The following MSL2 variants were observed in gnomAD, a reference collection of about 807,000 sequenced individuals.
MSL2 encodes the protein E3 ubiquitin-protein ligase MSL2.
A neutral mutation model predicts 35.8 loss-of-function variants in MSL2; 2 were observed. The observed-to-expected ratio is 0.06, with a 90% CI of 0.02 to 0.18. The LOEUF (loss-of-function observed/expected upper bound fraction) is 0.18. MSL2 is among the 10% of genes least tolerant of loss of function. The pLI is 1.00. For missense variants in MSL2, 523 were observed against 706.7 expected, an observed-to-expected ratio of 0.74 and a Z score of 2.95; for synonymous variants, 296 against 255.7, an observed-to-expected ratio of 1.16 and a Z score of -1.50.
At chr3:136,188,373 G>A (rs1026787362) in intron 1 of MSL2, among the ~76,000 whole-genome samples, 23 of 151,508 alleles carry the variant, frequency 1.5e-4, no homozygotes, top group Non-Finnish European at 2.9e-4. Flanking sequence ...AGCAGAGGTT[G>A]CAGTGAGCCG....
At position 136,195,640 on chromosome 3, in the gene MSL2, G is replaced by T. The variant is rs1392098503; in HGVS notation, c.-527C>A. ...ACGGCAAGGACGACGGTCGGGCAGCGGCTTCCCGGATCTAGTGCAAGACGC... is the reference window on the plus strand; with the variant it reads ...ACGGCAAGGACGACGGTCGGGCAGCTGCTTCCCGGATCTAGTGCAAGACGC... On this transcript the variant is annotated 5_prime_UTR_variant, in exon 1 of 2. Coordinates refer to ENST00000309993, the MANE Select transcript of MSL2 (RefSeq NM_018133.4). 1.0e-6 allele frequency: 1 copy of T among 980,382 alleles called. No homozygotes were observed. The highest frequency in any genetic ancestry group is 1.2e-6 in the Non-Finnish European group (1 of 825,134). The allele number at this position is 980,382 out of a possible 1,614,324, so 60.7% of individuals were successfully genotyped here.
At position 136,195,279 on chromosome 3, in the gene MSL2, CA is replaced by C. The variant is rs1940803634; in HGVS notation, c.-167del. 6.9e-7 allele frequency: 1 copy of C among 1,443,128 alleles called. No individual in the cohort carries two copies. Among genetic ancestry groups the C allele is most frequent in the Admixed American group, 2.9e-5 (1 of 34,338 alleles). 89.4% of individuals were successfully genotyped at this position (1,443,128 alleles called of 1,614,324 possible). ...TCCGTGCAAGTTTGTGGAGCTGAAA[CA>C]ATCCTCCCACACATGGGGCCTTGGC... is the stretch of plus-strand genomic sequence containing the variant. On this transcript the variant is annotated 5_prime_UTR_variant, in exon 1 of 2. In the 5' UTR this introduces an upstream ATG that the reference lacks. Coordinates refer to ENST00000309993, the MANE Select transcript of MSL2 (RefSeq NM_018133.4).
intron 1 of MSL2, among the ~76,000 whole-genome samples, chr3:136,176,955 G>C (rs1940196959): frequency 6.6e-6 from 1 of 152,186 alleles, no homozygotes; most frequent in African/African-American, 2.4e-5. Context: ...TCAGGTCAAA[G>C]AGAAATGAAC....
intron 1 of MSL2, among the ~76,000 whole-genome samples, chr3:136,172,816 G>C (rs1330669704): frequency 6.6e-6 from 1 of 152,096 alleles, no homozygotes; most frequent in Admixed American, 6.6e-5. Flanking sequence ...ATCTTATGAG[G>C]ATCATTAATC....
At chr3:136,186,209 T>C (rs989212244) in intron 1 of MSL2, among the ~76,000 whole-genome samples, 4 of 152,220 alleles carry the variant, frequency 2.6e-5, no homozygotes, top group African/African-American at 9.7e-5. Flanking sequence ...TATGTCTGTG[T>C]CAAACTGCCA....
intron 1 of MSL2, among the ~76,000 whole-genome samples, chr3:136,180,567 G>A (rs1242244487): frequency 1.3e-5 from 2 of 151,452 alleles, no homozygotes; most frequent in Non-Finnish European, 2.9e-5. Context: ...GGGCACGGAG[G>A]CTGGCACCTG....
intron 1 of MSL2, among the ~76,000 whole-genome samples, chr3:136,177,966 C>T (rs1472867920): frequency 1.3e-5 from 2 of 152,174 alleles, no homozygotes; most frequent in African/African-American, 2.4e-5. Context: ...TGTATTGAAT[C>T]ATCTTTGGGT....
At chr3:136,166,335 A>T (rs1939851926) in intron 1 of MSL2, among the ~76,000 whole-genome samples, 1 of 151,826 alleles carries the variant, frequency 6.6e-6, no homozygotes, top group Non-Finnish European at 1.5e-5. Flanking sequence ...TGGCAGTGAG[A>T]CAAGATCGCA....
intron 1 of MSL2, among the ~76,000 whole-genome samples, chr3:136,178,691 C>T (rs1318526320): frequency 6.6e-6 from 1 of 151,872 alleles, no homozygotes; most frequent in Non-Finnish European, 1.5e-5. Context: ...CCCACCATGG[C>T]ACCCAGCTAA....
Position 136,152,193 on chromosome 3 carries a change from C to T in MSL2, c.688G>A (p.Asp230Asn), listed in dbSNP as rs775761294. Reference protein sequence around the residue: ...VCNTVDIKTEDLSDSLPPVCD... With the variant: ...VCNTVDIKTENLSDSLPPVCD... The stretch of plus-strand genomic sequence containing the variant: ...ACGGGTGGCAGGCTGTCAGACAGAT[C>T]CTCAGTTTTTATGTCAACAGTATTA... Residue 230 changes from aspartate (D) to asparagine (N), a missense_variant, in exon 2 of 2, where the codon GAT becomes AAT. This residue lies in a region of MSL2 where 361 missense variants were observed against 414.6 expected (regional missense o/e 0.87). Coordinates refer to ENST00000309993, the MANE Select transcript of MSL2 (RefSeq NM_018133.4). 6.2e-7 allele frequency: 1 copy of T among 1,614,068 alleles called. No homozygotes were observed. Among genetic ancestry groups the T allele is most frequent in the Non-Finnish European group, 8.5e-7 (1 of 1,180,000 alleles).
intron 1 of MSL2, among the ~76,000 whole-genome samples, chr3:136,190,863 G>A (rs1940666373): frequency 6.6e-6 from 1 of 152,140 alleles, no homozygotes. Context: ...TTTTGTCTTG[G>A]TCAGTTTCTG....
intron 1 of MSL2, among the ~76,000 whole-genome samples, chr3:136,184,939 A>T (rs1192435800): frequency 6.6e-6 from 1 of 152,028 alleles, no homozygotes; most frequent in Non-Finnish European, 1.5e-5. Flanking sequence ...AAAAATTTGG[A>T]TTTTTATGTG....
intron 1 of MSL2, among the ~76,000 whole-genome samples, chr3:136,178,979 CTTTTTTTT>C (rs763670751): frequency 8.9e-4 from 91 of 101,804 alleles, no homozygotes; most frequent in African/African-American, 2.6e-3. Context: ...TGTTGGTTTT[CTTTTTTTT>C]TTTTTTTTTT....
At chr3:136,185,541 G>C (rs1353759800) in intron 1 of MSL2, among the ~76,000 whole-genome samples, 2 of 70,710 alleles carry the variant, frequency 2.8e-5, no homozygotes, top group Admixed American at 2.3e-4. Flanking sequence ...TTTTTTTGGA[G>C]GGGGGGGTGG....
At chr3:136,174,173 T>C (rs754095974) in intron 1 of MSL2, among the ~76,000 whole-genome samples, 2 of 152,218 alleles carry the variant, frequency 1.3e-5, no homozygotes, top group Non-Finnish European at 2.9e-5. Context: ...TAAACTAGTG[T>C]TGGCACATAA....
At chr3:136,180,876 GCT>G (rs796761143) in intron 1 of MSL2, among the ~76,000 whole-genome samples, 78 of 148,334 alleles carry the variant, frequency 5.3e-4, no homozygotes, top group African/African-American at 1.9e-3. Context: ...GGGCGTGGTA[GCT>G]CAAGCCTGTA....
chr3:136,171,723 T>G (rs560991038), intron 1 of MSL2, among the ~76,000 whole-genome samples: 6 of 152,290 alleles, frequency 3.9e-5, no homozygotes, highest in African/African-American at 1.2e-4. Context: ...TAACTAAATA[T>G]CTAGGTTCTT....
At chr3:136,167,672 G>A (rs1028854550) in intron 1 of MSL2, among the ~76,000 whole-genome samples, 1 of 152,150 alleles carries the variant, frequency 6.6e-6, no homozygotes. Context: ...ATGGACACAT[G>A]CAGGTGATTT....
At position 136,189,713 on chromosome 3, in the gene MSL2, C is replaced by T. The variant is rs1300643101; in HGVS notation, c.142+5259G>A. ...CACTCCAGCCTGGGCGACAGCGAGA[C>T]GCCGTCTCAAAAAAAAAAAAAAAAA... is the stretch of plus-strand genomic sequence containing the variant. On this transcript the variant is annotated intron_variant, in intron 1 of 1. Coordinates refer to ENST00000309993, the MANE Select transcript of MSL2 (RefSeq NM_018133.4). Among the ~76,000 whole-genome samples, 7 of 129,030 alleles carry T rather than the reference C, an allele frequency of 5.4e-5. No homozygotes were observed. The East Asian group carries it at 1.2e-3, about 21-fold the overall frequency. 84.6% of individuals were successfully genotyped at this position (129,030 alleles called of 152,430 possible). A position where few individuals can be genotyped will look rare whatever the true frequency, so the allele number is the denominator to read the frequency against.
Sources: allele counts gnomAD v4.1 joint callset (sites outside exome capture counted in the v4.1 genomes callset), GRCh38; gene constraint gnomAD v4.1.1; regional missense constraint gnomAD v4.1.1; transcripts MANE v1.5; gene names NCBI Gene and HGNC (gene_info 2026-07-23, HGNC 2026-07-21).